SEMA6D: variants seen among roughly 807,000 people sequenced by gnomAD.
SEMA6D encodes semaphorin-6D.
Under a neutral mutation model 106.6 loss-of-function variants are expected in SEMA6D, and 35 were observed. The ratio of observed to expected loss-of-function variants is 0.33; its 90% CI spans 0.25 to 0.44. The LOEUF is 0.44. Ranked by LOEUF, SEMA6D falls within the 20% of genes least tolerant of loss-of-function variation. The probability of loss-of-function intolerance (pLI) is 1.00; values close to 1 mark genes in which losing one functional copy is unlikely to be tolerated. For synonymous variants in SEMA6D, 499 were observed against 487.7 expected (o/e 1.02, Z -0.31); for missense variants, 1,185 against 1,345.9 (o/e 0.88, Z 1.87).
rs199858223 is a variant in SEMA6D, at chr15:47,458,538, GGAA to G, written c.-158-11935_-158-11933del. Among the ~76,000 whole-genome samples, 749 of 151,944 alleles carry G rather than the reference GGAA, an allele frequency of 4.9e-3. 6 individuals are homozygous for G. The highest frequency in any genetic ancestry group is 0.017 in the African/African-American group (706 of 41,472). On this transcript the variant is annotated intron_variant, in intron 2 of 19. Coordinates refer to the SEMA6D transcript ENST00000558014. ...CCCTAGCCACAATGGAATTAAATTAGGAATTAATAGTAGAAATATATCTGCAAA... is the reference window on the plus strand; with the variant it reads ...CCCTAGCCACAATGGAATTAAATTAGTTAATAGTAGAAATATATCTGCAAA...
intron 4 of SEMA6D, among the ~76,000 whole-genome samples, chr15:47,689,977 A>C (rs1566989110): frequency 6.6e-6 from 1 of 152,178 alleles, no homozygotes; most frequent in African/African-American, 2.4e-5. Context: ...ATTTAGAGCA[A>C]AATGTTTCCT....
At chr15:47,291,870 G>C (rs1420691535) in intron 1 of SEMA6D, among the ~76,000 whole-genome samples, 1 of 151,798 alleles carries the variant, frequency 6.6e-6, no homozygotes, top group Non-Finnish European at 1.5e-5. Flanking sequence ...CTCTGTCTCT[G>C]TCTCTCTCTC....
chr15:47,296,542 A>G (rs2035808245), intron 1 of SEMA6D, among the ~76,000 whole-genome samples: 1 of 152,202 alleles, frequency 6.6e-6, no homozygotes, highest in South Asian at 2.1e-4. Flanking sequence ...CAGAAAATAA[A>G]GCAAGGGGGA....
At chr15:47,444,471 A>T (rs2041971908) in intron 2 of SEMA6D, among the ~76,000 whole-genome samples, 1 of 144,456 alleles carries the variant, frequency 6.9e-6, no homozygotes, top group South Asian at 2.5e-4. Flanking sequence ...GATTTCAAGG[A>T]TGAAGGCTGC....
At chr15:47,238,754 AGTGGAAATG>A (rs2032720174) in intron 1 of SEMA6D, among the ~76,000 whole-genome samples, 1 of 152,144 alleles carries the variant, frequency 6.6e-6, no homozygotes, top group Admixed American at 6.6e-5. Flanking sequence ...GGCTGGGACC[AGTGGAAATG>A]GGTCTAGAGC....
intron 1 of SEMA6D, among the ~76,000 whole-genome samples, chr15:47,204,231 G>T (rs1202058956): frequency 6.6e-6 from 1 of 152,120 alleles, no homozygotes; most frequent in Non-Finnish European, 1.5e-5. Context: ...TTAACCTCCT[G>T]TGGTGCTCTT....
intron 3 of SEMA6D, among the ~76,000 whole-genome samples, chr15:47,539,269 T>C (rs1026611807): frequency 6.6e-6 from 1 of 152,164 alleles, no homozygotes; most frequent in African/African-American, 2.4e-5. Context: ...AGCTAACATA[T>C]CCTGGTGACA....
At chr15:47,580,497 G>A (rs1241141100) in intron 3 of SEMA6D, among the ~76,000 whole-genome samples, 2 of 152,100 alleles carry the variant, frequency 1.3e-5, no homozygotes, top group Non-Finnish European at 2.9e-5. Flanking sequence ...CACAAGCAGA[G>A]TATTGTTGAA....
At chr15:47,475,888 G>T (rs976770099) in intron 3 of SEMA6D, among the ~76,000 whole-genome samples, 1 of 152,106 alleles carries the variant, frequency 6.6e-6, no homozygotes, top group Non-Finnish European at 1.5e-5. Context: ...TTATTAAACA[G>T]CCCTGGCTAA....
At chr15:47,598,769 A>G (rs1312632015) in intron 3 of SEMA6D, among the ~76,000 whole-genome samples, 2 of 152,168 alleles carry the variant, frequency 1.3e-5, no homozygotes, top group Admixed American at 1.3e-4. Flanking sequence ...ACAGATCACC[A>G]AGGCAAATAA....
intron 4 of SEMA6D, among the ~76,000 whole-genome samples, chr15:47,662,141 T>C (rs889997093): frequency 6.6e-6 from 1 of 152,068 alleles, no homozygotes; most frequent in Non-Finnish European, 1.5e-5. Flanking sequence ...GGGCAGTAGG[T>C]TGCAGTAGTT....
At chr15:47,656,782 A>G (rs1423003250) in intron 4 of SEMA6D, among the ~76,000 whole-genome samples, 1 of 152,178 alleles carries the variant, frequency 6.6e-6, no homozygotes, top group African/African-American at 2.4e-5. Context: ...CCCCTTGATG[A>G]TCAATACTAA....
chr15:47,760,407 T>G lies in SEMA6D; in HGVS notation c.213T>G (p.Ile71Met). The G allele has an allele frequency of 6.2e-7, 1 of 1,612,142 alleles. No homozygotes were observed. The highest frequency in any genetic ancestry group is 8.5e-7 in the Non-Finnish European group (1 of 1,178,478). The change falls in exon 3 of 19, where the codon ATT becomes ATG. Residue 71 changes from isoleucine to methionine, a missense_variant. Physicochemically the swap from Ile to Met is conservative, Grantham distance 10 (BLOSUM62 1). Coordinates refer to ENST00000536845, the MANE Select transcript of SEMA6D (RefSeq NM_001358351.3). ...TGAAAATTCGAGACACACTTTATAT[T>G]GCTGGCAGGTAATTTTCCTCTCATT... ...LMLKIRDTLY[I>M]AGRDQVYTVN... is the part of the protein sequence containing the mutation.
rs116088636 is a variant in SEMA6D at position 47,273,850 on chromosome 15, T to C, written c.-239+89432T>C. Among the ~76,000 whole-genome samples the C allele has an allele frequency of 5.8e-4, 88 of 152,292 alleles. 1 individual carries two copies. The highest frequency in any genetic ancestry group is 2.1e-3 in the African/African-American group (87 of 41,572). On this transcript the variant is annotated intron_variant, in intron 1 of 19. Transcript: ENST00000558014. ...ATAAAGTACAACTTTATTTAAAATGTAATAATTGACTGTCAGTGGAAAATA... is the reference window on the plus strand; with the variant it reads ...ATAAAGTACAACTTTATTTAAAATGCAATAATTGACTGTCAGTGGAAAATA...
chr15:47,711,026 G>T (rs900506897), intron 4 of SEMA6D, among the ~76,000 whole-genome samples: 8 of 152,176 alleles, frequency 5.3e-5, no homozygotes, highest in Non-Finnish European at 1.0e-4. Flanking sequence ...ATGTATAGGC[G>T]TGGCCGGGCG....
chr15:47,728,385 T>C (rs1280196819), intron 1 of SEMA6D, among the ~76,000 whole-genome samples: 1 of 152,232 alleles, frequency 6.6e-6, no homozygotes, highest in African/African-American at 2.4e-5. Context: ...TAATCAGCCA[T>C]ATATAAATTC....
chr15:47,194,814 C>A (rs949307811), intron 1 of SEMA6D, among the ~76,000 whole-genome samples: 1 of 152,124 alleles, frequency 6.6e-6, no homozygotes, highest in African/African-American at 2.4e-5. Flanking sequence ...GAAGATACTT[C>A]ATATGGAAGA....
chr15:47,354,531 T>TAC (rs199934235), intron 1 of SEMA6D, among the ~76,000 whole-genome samples: 6 of 148,832 alleles, frequency 4.0e-5, no homozygotes, highest in Non-Finnish European at 8.9e-5. Flanking sequence ...TATATATATA[T>TAC]ACACACATAT....
At chr15:47,591,286 C>A (rs1481542159) in intron 3 of SEMA6D, among the ~76,000 whole-genome samples, 1 of 152,142 alleles carries the variant, frequency 6.6e-6, no homozygotes, top group Admixed American at 6.5e-5. Context: ...CCTGAAGTCC[C>A]CACCTCTTAA....
Sources: allele counts gnomAD v4.1 joint callset (sites outside exome capture counted in the v4.1 genomes callset), GRCh38; gene constraint gnomAD v4.1.1; transcripts MANE v1.5; gene names NCBI Gene and HGNC (gene_info 2026-07-23, HGNC 2026-07-21).